AHCTF1: variants seen among roughly 807,000 people sequenced by gnomAD.
AHCTF1 encodes protein ELYS.
In AHCTF1, 24 loss-of-function variants were observed where a neutral mutation model predicts 248.4. That is an observed-to-expected ratio of 0.10 (90% CI 0.07 to 0.14). The LOEUF is 0.14. AHCTF1 is among the 10% of genes least tolerant of loss of function. The pLI, the probability that AHCTF1 is intolerant of heterozygous loss-of-function variation, is 1.00. For synonymous variants in AHCTF1, 786 were observed against 929.8 expected, an observed-to-expected ratio of 0.85 and a Z score of 2.81; for missense variants, 2,206 against 2,636.2, an observed-to-expected ratio of 0.84 and a Z score of 3.57.
chr1:246,902,115 T>C (rs1005324287), intron 8 of AHCTF1, among the ~76,000 whole-genome samples: 1 of 152,144 alleles, frequency 6.6e-6, no homozygotes, highest in Non-Finnish European at 1.5e-5. Context: ...ACGATAATCT[T>C]GGCTTAAAAA....
At chr1:246,887,089 G>T in intron 20 of AHCTF1, 122 bp downstream of exon 20, 2 of 1,093,712 alleles carry the variant, frequency 1.8e-6, no homozygotes, top group Non-Finnish European at 2.6e-6. Flanking sequence ...GATTAAACTG[G>T]GTCCTTCCTC....
intron 4 of AHCTF1, 89 bp from the exon 5 acceptor site, chr1:246,907,847 A>C (rs796366579): frequency 9.4e-7 from 1 of 1,064,438 alleles, no homozygotes; most frequent in Non-Finnish European, 1.4e-6. Context: ...CTGCAAATGA[A>C]GTCAACTGAG....
intron 1 of AHCTF1, among the ~76,000 whole-genome samples, chr1:246,927,133 G>T (rs956457116): frequency 4.0e-5 from 6 of 151,626 alleles, no homozygotes; most frequent in Admixed American, 3.9e-4. Flanking sequence ...AGCCAAGATC[G>T]TGCCACTGCA....
chr1:246,922,129 G>A (rs1367094853), intron 1 of AHCTF1, among the ~76,000 whole-genome samples: 1 of 152,176 alleles, frequency 6.6e-6, no homozygotes, highest in Non-Finnish European at 1.5e-5. Context: ...GAAGGCCTAG[G>A]CAGGTGGATC....
At chr1:246,869,201 C>A (rs1326617717) in intron 24 of AHCTF1, among the ~76,000 whole-genome samples, 1 of 152,078 alleles carries the variant, frequency 6.6e-6, no homozygotes, top group Non-Finnish European at 1.5e-5. Flanking sequence ...TCCAGCAAGT[C>A]TACTGGCACC....
At chr1:246,928,890 T>A (rs750377497) in intron 1 of AHCTF1, among the ~76,000 whole-genome samples, 3 of 152,208 alleles carry the variant, frequency 2.0e-5, no homozygotes, top group African/African-American at 4.8e-5. Flanking sequence ...TCTTACCAAC[T>A]TAATTCAAAC....
At chr1:246,916,997 G>A (rs1322611316) in intron 2 of AHCTF1, among the ~76,000 whole-genome samples, 2 of 152,110 alleles carry the variant, frequency 1.3e-5, no homozygotes, top group South Asian at 2.1e-4. Context: ...CCTCTTCTCC[G>A]CCTATTAGTC....
intron 3 of AHCTF1, 74 bp downstream of exon 3, chr1:246,916,068 A>G: frequency 7.3e-6 from 11 of 1,501,560 alleles, no homozygotes; most frequent in Non-Finnish European, 9.8e-6. Context: ...AATTTCAAAA[A>G]GTAACACACC....
chr1:246,926,793 T>C (rs543665047), intron 1 of AHCTF1, among the ~76,000 whole-genome samples: 33 of 152,000 alleles, frequency 2.2e-4, no homozygotes, highest in Admixed American at 5.2e-4. Flanking sequence ...GAGGCGGAGA[T>C]TGCAGTCAGC....
chr1:246,847,316 AC>A (rs56797342), intron 33 of AHCTF1, among the ~76,000 whole-genome samples: 20 of 151,470 alleles, frequency 1.3e-4, no homozygotes, highest in African/African-American at 4.9e-4. Flanking sequence ...CAAAAAAAAA[AC>A]TGAAAATGCT....
chr1:246,867,901 C>CT (rs1553291133), intron 24 of AHCTF1, 90 bp from the exon 25 acceptor site: 2 of 313,444 alleles, frequency 6.4e-6, no homozygotes, highest in Middle Eastern at 6.5e-4. Flanking sequence ...ACCCCCCCCC[C>CT]CACACACACA....
chr1:246,850,772 C>T lies in AHCTF1; in HGVS notation c.5234G>A (p.Arg1745His), dbSNP rs776638582. The T allele has an allele frequency of 1.3e-5, 21 of 1,613,800 alleles. No homozygotes were observed. Among genetic ancestry groups the T allele is most frequent in the Middle Eastern group, 3.3e-4 (2 of 6,056 alleles). Residue 1745 changes from arginine to histidine, a missense_variant, in exon 33 of 36, where the codon CGT becomes CAT. Around this residue, in one of 6 missense-constraint regions of AHCTF1, gnomAD observed 955 missense variants for 1,055.6 expected, o/e 0.90. Transcript: ENST00000648844. ...VSSKTRTRGQ[R>H]IQNVNVKSAQ... Reference sequence around the variant, plus strand: ...TGATTTGACATTCACGTTTTGGATACGTTGACCTCTCGTACGAGTTTTGGA... The same window carrying T: ...TGATTTGACATTCACGTTTTGGATATGTTGACCTCTCGTACGAGTTTTGGA...
rs755946408 is a variant in AHCTF1 at position 246,867,815 on chromosome 1, T to C, written c.3089-4A>G. On this transcript the variant is annotated splice_polypyrimidine_tract_variant and splice_region_variant and intron_variant, in intron 24 of 35. Coordinates refer to ENST00000648844, the MANE Select transcript of AHCTF1 (RefSeq NM_001323342.2). ...GATAATGGTTTGGGTCTAGAAACTGTAAAATGAAGAACGCTGGAATTAAGT... is the reference window on the plus strand; with the variant it reads ...GATAATGGTTTGGGTCTAGAAACTGCAAAATGAAGAACGCTGGAATTAAGT... 191 of 1,592,238 alleles carry C rather than the reference T, an allele frequency of 1.2e-4. 2 individuals carry two copies. In the Admixed American group the frequency reaches 3.2e-3, roughly 27 times the overall value.
chr1:246,887,895 C>G (rs1663939223), intron 19 of AHCTF1, among the ~76,000 whole-genome samples: 1 of 152,076 alleles, frequency 6.6e-6, no homozygotes. Flanking sequence ...TATTTTAGAG[C>G]AACTGTTGTT....
chr1:246,863,889 G>A (rs778227594), intron 27 of AHCTF1, 35 bp downstream of exon 27: 22 of 1,598,462 alleles, frequency 1.4e-5, no homozygotes, highest in Non-Finnish European at 1.7e-5. Flanking sequence ...GAGCCATCTA[G>A]TTTGATTGTG....
intron 24 of AHCTF1, among the ~76,000 whole-genome samples, chr1:246,871,874 TAAC>T (rs1014790780): frequency 2.0e-5 from 3 of 151,856 alleles, no homozygotes; most frequent in African/African-American, 7.3e-5. Flanking sequence ...TAAAAAATAA[TAAC>T]AACCTAAAGA....
At chr1:246,842,631 G>C (rs1170770603) in intron 35 of AHCTF1, 63 bp downstream of exon 35, 1 of 1,322,298 alleles carries the variant, frequency 7.6e-7, no homozygotes, top group Middle Eastern at 2.6e-4. Context: ...GGATAGTAGG[G>C]TGGGGACAGA....
At chr1:246,927,254 G>A (rs953814046) in intron 1 of AHCTF1, among the ~76,000 whole-genome samples, 5 of 152,026 alleles carry the variant, frequency 3.3e-5, no homozygotes, top group Admixed American at 6.5e-5. Context: ...AGGCCAAGGC[G>A]GGAGAATGGC....
chr1:246,918,445 G>A, intron 1 of AHCTF1, 68 bp from the exon 2 acceptor site: 1 of 1,405,690 alleles, frequency 7.1e-7, no homozygotes, highest in Non-Finnish European at 9.5e-7. Flanking sequence ...ATTATGTCCA[G>A]CCAGGAAAAA....
Sources: gnomAD v4.1 joint callset for allele counts (sites outside exome capture counted in the v4.1 genomes callset) on GRCh38, gnomAD v4.1.1 for gene constraint, gnomAD v4.1.1 regional missense constraint, MANE v1.5 for transcripts, NCBI Gene and HGNC (gene_info 2026-07-23, HGNC 2026-07-21) for gene names.